Variants in PLB1 observed in about 807,000 individuals in gnomAD.
The protein encoded by PLB1 is phospholipase B1.
In PLB1, 242 loss-of-function variants were observed where a neutral mutation model predicts 227.4. The ratio of observed to expected loss-of-function variants is 1.06; its 90% CI spans 0.96 to 1.18. PLB1 has a LOEUF of 1.18. Ranked by LOEUF, PLB1 falls within the 50% of genes most tolerant of loss-of-function variation. The pLI, the probability that PLB1 is intolerant of heterozygous loss-of-function variation, is 0.00. For synonymous variants in PLB1, 757 were observed against 682.2 expected, an observed-to-expected ratio of 1.11 and a Z score of -1.71; for missense variants, 1,858 against 1,816.3, an observed-to-expected ratio of 1.02 and a Z score of -0.42.
intron 43 of PLB1, among the ~76,000 whole-genome samples, chr2:28,607,709 T>C (rs1032149439): frequency 1.3e-5 from 2 of 151,046 alleles, no homozygotes; most frequent in African/African-American, 2.4e-5. Flanking sequence ...TTAACTGCTT[T>C]CCTAAGGATG....
intron 17 of PLB1, among the ~76,000 whole-genome samples, chr2:28,557,670 G>A (rs1246106624): frequency 2.6e-5 from 4 of 152,150 alleles, no homozygotes; most frequent in Non-Finnish European, 4.4e-5. Context: ...TGTAGAAATC[G>A]TGATGAGTTA....
chr2:28,552,118 A>G (rs1674351330), intron 16 of PLB1, among the ~76,000 whole-genome samples: 1 of 152,242 alleles, frequency 6.6e-6, no homozygotes, highest in South Asian at 2.1e-4. Context: ...TATAATAGGT[A>G]CTGTAATGCA....
chr2:28,598,088 A>G, intron 34 of PLB1, 40 bp downstream of exon 34: 1 of 1,574,212 alleles, frequency 6.4e-7, no homozygotes, highest in South Asian at 1.1e-5. Flanking sequence ...CTACTGTTCC[A>G]CCCATCTGGC....
intron 1 of PLB1, among the ~76,000 whole-genome samples, chr2:28,500,315 C>T (rs1666938344): frequency 6.6e-6 from 1 of 152,120 alleles, no homozygotes; most frequent in Admixed American, 6.5e-5. Context: ...TCATGAATCC[C>T]CTAGTTGGTG....
intron 17 of PLB1, among the ~76,000 whole-genome samples, chr2:28,554,246 A>G (rs1312415707): frequency 6.6e-6 from 1 of 152,224 alleles, no homozygotes; most frequent in South Asian, 2.1e-4. Context: ...TCAAAAATAG[A>G]TAGATTAGGT....
At chr2:28,593,814 T>C (rs1682420829) in intron 33 of PLB1, 60 bp downstream of exon 33, 9 of 1,427,644 alleles carry the variant, frequency 6.3e-6, no homozygotes, top group Non-Finnish European at 8.8e-6. Flanking sequence ...AGGTGTGGCT[T>C]TGTCTCCTGT....
intron 34 of PLB1, 69 bp downstream of exon 34, chr2:28,598,117 T>A (rs1263067134): frequency 7.3e-7 from 1 of 1,366,436 alleles, no homozygotes; most frequent in African/African-American, 1.5e-5. Flanking sequence ...TTCCCGAAAG[T>A]GCCTCCCAGG....
chr2:28,615,110 G>T (rs1157561513), intron 44 of PLB1, among the ~76,000 whole-genome samples: 1 of 152,140 alleles, frequency 6.6e-6, no homozygotes, highest in East Asian at 1.9e-4. Context: ...GGAGACACTT[G>T]CTATACAGGG....
intron 43 of PLB1, 102 bp downstream of exon 43, chr2:28,606,669 C>A (rs1684726389): frequency 1.9e-6 from 2 of 1,079,676 alleles, no homozygotes; most frequent in Non-Finnish European, 2.8e-6. Context: ...ACCCATCTTG[C>A]CCCCTTACTG....
At chr2:28,598,140 G>A in intron 34 of PLB1, 92 bp downstream of exon 34, 1 of 1,081,374 alleles carries the variant, frequency 9.2e-7, no homozygotes, top group Non-Finnish European at 1.4e-6. Flanking sequence ...AGCAGCAAAT[G>A]ACATCTGCCT....
intron 16 of PLB1, among the ~76,000 whole-genome samples, chr2:28,551,381 GTCT>G (rs779772366): frequency 1.3e-4 from 20 of 152,214 alleles, no homozygotes; most frequent in Non-Finnish European, 2.5e-4. Context: ...AAGGGTTGAT[GTCT>G]TCTTTCCCAG....
chr2:28,633,561 G>A (rs928719770), intron 56 of PLB1, among the ~76,000 whole-genome samples: 2 of 146,360 alleles, frequency 1.4e-5, no homozygotes, highest in African/African-American at 5.1e-5. Flanking sequence ...TCTAAACATC[G>A]AAAAGTGGAG....
chr2:28,580,678 C>T (rs1015312631), intron 23 of PLB1, among the ~76,000 whole-genome samples: 12 of 151,612 alleles, frequency 7.9e-5, no homozygotes, highest in African/African-American at 2.7e-4. Context: ...CATGCCACTG[C>T]ACTCCAGCCT....
Position 28,504,295 on chromosome 2 carries a change from G to A in PLB1, c.55+8126G>A, listed in dbSNP as rs72860565. ...AGCTTATTCAGTCTCCTTCAGTTGCGTCTAATTTTCTGTTAAACCTGATCG... is the reference window on the plus strand; with the variant it reads ...AGCTTATTCAGTCTCCTTCAGTTGCATCTAATTTTCTGTTAAACCTGATCG... On this transcript the variant is annotated intron_variant, in intron 1 of 57. Transcript: ENST00000327757. 7.5e-3 allele frequency among the ~76,000 whole-genome samples: 1,137 copies of A among 152,162 alleles called. 6 individuals are homozygous for A. Among genetic ancestry groups the A allele is most frequent in the Middle Eastern group, 0.031 (9 of 294 alleles).
At chr2:28,529,234 C>G (rs781451235) in intron 6 of PLB1, 83 bp from the exon 7 acceptor site, 2 of 915,124 alleles carry the variant, frequency 2.2e-6, no homozygotes, top group East Asian at 4.8e-5. Flanking sequence ...CATGAGCCAC[C>G]ACTCCTGGCA....
chr2:28,620,587 T>G lies in PLB1; in HGVS notation c.3384-13T>G. ...TTGGTGTGAGTTTAACAAATATGCT[T>G]TCTCCTCCCCAGCATTGGAGGGGAT... On this transcript the variant is annotated splice_polypyrimidine_tract_variant and intron_variant, in intron 47 of 57. Coordinates refer to ENST00000327757, the MANE Select transcript of PLB1 (RefSeq NM_153021.5). The G allele has an allele frequency of 6.2e-7, 1 of 1,611,564 alleles. No homozygotes were observed.
In PLB1 at chr2:28,559,626, C is replaced by G. The variant is rs138868757; in HGVS notation, c.1148-3415C>G. ...TTCCACTCAATGTTAATCCGGCTTC[C>G]TGCACAGGTACAATTCCACAGCCAT... On this transcript the variant is annotated intron_variant, in intron 17 of 57. Coordinates refer to ENST00000327757, the MANE Select transcript of PLB1 (RefSeq NM_153021.5). 2.2e-4 allele frequency among the ~76,000 whole-genome samples: 34 copies of G among 152,008 alleles called. No homozygotes were observed. In the East Asian group the frequency reaches 6.6e-3, roughly 29 times the overall value.
chr2:28,510,778 TTGTG>T (rs55672002), intron 1 of PLB1, among the ~76,000 whole-genome samples: 3,876 of 141,572 alleles, frequency 0.027, 96 homozygotes, highest in Middle Eastern at 0.053. Flanking sequence ...ACTCAGATAA[TTGTG>T]TGTGTGTGTG....
chr2:28,543,396 A>T (rs1672778726), intron 14 of PLB1, 128 bp downstream of exon 14: 1 of 950,820 alleles, frequency 1.1e-6, no homozygotes, highest in South Asian at 1.7e-5. Flanking sequence ...CTGGGCCACC[A>T]GGGATGCTTC....
Sources: allele counts gnomAD v4.1 joint callset (sites outside exome capture counted in the v4.1 genomes callset), GRCh38; gene constraint gnomAD v4.1.1; transcripts MANE v1.5; gene names NCBI Gene and HGNC (gene_info 2026-07-23, HGNC 2026-07-21).